The following ADD3 variants were observed in gnomAD, a reference collection of about 807,000 sequenced individuals.
ADD3 encodes gamma-adducin.
In ADD3, 25 loss-of-function variants were observed where a neutral mutation model predicts 80.2. The ratio of observed to expected loss-of-function variants is 0.31; its 90% CI spans 0.23 to 0.44. The LOEUF is 0.44. Among genes scored for constraint, ADD3 ranks in the 20% least tolerant of loss-of-function variants. ADD3 has a pLI of 1.00. For missense variants in ADD3, 829 were observed against 847.5 expected, an observed-to-expected ratio of 0.98 and a Z score of 0.27; for synonymous variants, 284 against 289.6, an observed-to-expected ratio of 0.98 and a Z score of 0.20.
At chr10:110,036,642 G>A (rs1362785204) in intron 1 of ADD3, among the ~76,000 whole-genome samples, 2 of 151,704 alleles carry the variant, frequency 1.3e-5, no homozygotes, top group African/African-American at 4.8e-5. Context: ...AAAGTGCTGG[G>A]ATTACAGGCG....
chr10:110,042,709 G>GT (rs1181110504), intron 1 of ADD3, among the ~76,000 whole-genome samples: 3 of 124,144 alleles, frequency 2.4e-5, no homozygotes, highest in African/African-American at 5.6e-5. Context: ...TTTTCCATCA[G>GT]TTTTTTTACT....
intron 1 of ADD3, among the ~76,000 whole-genome samples, chr10:110,092,960 A>G (rs1564963847): frequency 6.6e-6 from 1 of 152,106 alleles, no homozygotes; most frequent in Non-Finnish European, 1.5e-5. Context: ...CCTGGGTTCA[A>G]GCAATTCTCT....
intron 2 of ADD3, among the ~76,000 whole-genome samples, chr10:110,111,106 C>T (rs1340007191): frequency 6.6e-6 from 1 of 152,148 alleles, no homozygotes; most frequent in African/African-American, 2.4e-5. Context: ...GTCAGTGACT[C>T]AAAAGAGATT....
At chr10:110,004,536 C>T (rs1186946795), upstream of ADD3, among the ~76,000 whole-genome samples, 1 of 151,720 alleles carries the variant, frequency 6.6e-6, no homozygotes, top group Non-Finnish European at 1.5e-5. Flanking sequence ...GTCTTGATCT[C>T]TTGACCTCGT....
chr10:110,119,739 G>A (rs1389384267), intron 8 of ADD3, 175 bp downstream of exon 8: 26 of 559,866 alleles, frequency 4.6e-5, no homozygotes, highest in Non-Finnish European at 8.1e-5. Flanking sequence ...TTGAAAATAG[G>A]AGTAAAGGAA....
At chr10:110,110,478 C>T (rs1849877068) in intron 2 of ADD3, among the ~76,000 whole-genome samples, 1 of 152,150 alleles carries the variant, frequency 6.6e-6, no homozygotes, top group Non-Finnish European at 1.5e-5. Context: ...CACCACAGTG[C>T]ATCAGGGAGG....
chr10:110,022,368 A>C (rs1853779492), intron 1 of ADD3, among the ~76,000 whole-genome samples: 1 of 152,244 alleles, frequency 6.6e-6, no homozygotes, highest in East Asian at 1.9e-4. Flanking sequence ...ATTTACCTTC[A>C]TAAAAAAAAC....
chr10:110,117,901 G>A (rs1338247537), intron 5 of ADD3, among the ~76,000 whole-genome samples: 2 of 151,688 alleles, frequency 1.3e-5, no homozygotes, highest in African/African-American at 2.4e-5. Context: ...CTGTAATCCC[G>A]GCTACTCGGG....
At chr10:110,069,711 C>T (rs1311600848) in intron 1 of ADD3, among the ~76,000 whole-genome samples, 2 of 152,142 alleles carry the variant, frequency 1.3e-5, no homozygotes, top group African/African-American at 4.8e-5. Flanking sequence ...TGCCTCTTTT[C>T]ATGGTGATGT....
rs180750340 is a variant in ADD3 at position 110,078,912 on chromosome 10, A to C, written c.-29-21713A>C. ...TATTGAAATTAGAAGATTTTTAAAT[A>C]GATTTTTATTTGGAACTTTAATAGA... On this transcript the variant is annotated intron_variant, in intron 1 of 14. Transcript: ENST00000356080. Among the ~76,000 whole-genome samples the C allele has an allele frequency of 2.9e-3, 438 of 152,344 alleles. 1 individual carries two copies. The highest frequency in any genetic ancestry group is 6.9e-3 in the Admixed American group (105 of 15,302).
intron 1 of ADD3, among the ~76,000 whole-genome samples, chr10:110,071,941 C>A (rs191876094): frequency 1.3e-5 from 2 of 152,332 alleles, no homozygotes; most frequent in African/African-American, 4.8e-5. Flanking sequence ...TTTCACTTAT[C>A]CCCAACCTTG....
At chr10:110,035,729 G>A (rs761448805) in intron 1 of ADD3, among the ~76,000 whole-genome samples, 2 of 152,154 alleles carry the variant, frequency 1.3e-5, no homozygotes, top group African/African-American at 2.4e-5. Context: ...CTGAAGTAAG[G>A]CCCGGTAATT....
chr10:110,130,188 T>TTTA (rs1034018781), intron 12 of ADD3, among the ~76,000 whole-genome samples, 175 bp from the exon 13 acceptor site: 4 of 152,224 alleles, frequency 2.6e-5, no homozygotes, highest in Admixed American at 1.3e-4. Flanking sequence ...TTTAAGGGCA[T>TTTA]CAATCTTACA....
At chr10:110,067,124 A>G (rs1002538278) in intron 1 of ADD3, among the ~76,000 whole-genome samples, 2 of 152,236 alleles carry the variant, frequency 1.3e-5, no homozygotes, top group Admixed American at 6.5e-5. Context: ...AAATTCCTGT[A>G]GGAAGATATT....
intron 2 of ADD3, among the ~76,000 whole-genome samples, chr10:110,102,410 A>T (rs759060489): frequency 6.6e-6 from 1 of 152,128 alleles, no homozygotes; most frequent in Non-Finnish European, 1.5e-5. Context: ...GGAGTTTGAG[A>T]CGAGCCTGGG....
intron 4 of ADD3, among the ~76,000 whole-genome samples, chr10:110,116,700 A>C (rs1318039848): frequency 6.6e-6 from 1 of 152,188 alleles, no homozygotes; most frequent in Non-Finnish European, 1.5e-5. Flanking sequence ...CTCCATGATA[A>C]TTATGTCTGA....
chr10:110,046,341 C>A (rs1470635404), intron 1 of ADD3, among the ~76,000 whole-genome samples: 1 of 151,716 alleles, frequency 6.6e-6, no homozygotes, highest in Non-Finnish European at 1.5e-5. Context: ...CATACATAAT[C>A]AACTGTTTAT....
chr10:110,110,156 A>T (rs1268585169), intron 2 of ADD3, among the ~76,000 whole-genome samples: 1 of 152,176 alleles, frequency 6.6e-6, no homozygotes, highest in Non-Finnish European at 1.5e-5. Flanking sequence ...AAAATTAATC[A>T]CTCAAATATC....
At chr10:110,038,653 A>G (rs1411439960) in intron 1 of ADD3, among the ~76,000 whole-genome samples, 1 of 152,200 alleles carries the variant, frequency 6.6e-6, no homozygotes, top group Non-Finnish European at 1.5e-5. Flanking sequence ...TCACACATAT[A>G]CATATATATG....
Sources: allele counts gnomAD v4.1 joint callset (sites outside exome capture counted in the v4.1 genomes callset), GRCh38; gene constraint gnomAD v4.1.1; transcripts MANE v1.5; gene names NCBI Gene and HGNC (gene_info 2026-07-23, HGNC 2026-07-21).